PPP2R2C: variants seen among roughly 807,000 people sequenced by gnomAD.
The protein encoded by PPP2R2C is protein phosphatase 2, regulatory subunit B, gamma.
Under a neutral mutation model 45.3 loss-of-function variants are expected in PPP2R2C, and 10 were observed. The observed-to-expected ratio is 0.22, with a 90% CI of 0.14 to 0.37. PPP2R2C has a LOEUF of 0.37. PPP2R2C is among the 10% of genes least tolerant of loss of function. PPP2R2C has a pLI of 1.00. For missense variants in PPP2R2C, 308 were observed against 619.7 expected (o/e 0.50, Z 5.34); for synonymous variants, 257 against 245.4 (o/e 1.05, Z -0.44).
Position 6,472,264 on chromosome 4 carries a change from C to A in PPP2R2C, c.-35G>T. On this transcript the variant is annotated 5_prime_UTR_variant, in exon 1 of 9. Transcript: ENST00000382599. The stretch of plus-strand genomic sequence containing the variant: ...TGCCCGGTGCTCTGGGCATGCCCCG[C>A]CGCCACACACCGATGCAATCCGCAG... 4 of 1,611,276 alleles carry A rather than the reference C, an allele frequency of 2.5e-6. No homozygotes were observed. The highest frequency in any genetic ancestry group is 1.1e-5 in the South Asian group (1 of 91,028).
At chr4:6,421,507 CTGAG>C (rs2109393202) in intron 1 of PPP2R2C, among the ~76,000 whole-genome samples, 1 of 152,264 alleles carries the variant, frequency 6.6e-6, no homozygotes, top group South Asian at 2.1e-4. Context: ...GCTCTAGATA[CTGAG>C]TGTCATCCGC....
At position 6,513,797 on chromosome 4, in the gene PPP2R2C, GC is replaced by G. The variant is rs575921896; in HGVS notation, c.49+21473del. Among the ~76,000 whole-genome samples, 388 of 152,294 alleles carry G rather than the reference GC, an allele frequency of 2.5e-3. 2 individuals carry two copies. Among genetic ancestry groups the G allele is most frequent in the African/African-American group, 8.6e-3 (359 of 41,560 alleles). ...GGGGTGGTGGGCAGGCCAGGGAAGGGCCCCCAGAGGCCCCCATCTCCTCCCC... is the reference window on the plus strand; with the variant it reads ...GGGGTGGTGGGCAGGCCAGGGAAGGGCCCCAGAGGCCCCCATCTCCTCCCC... On this transcript the variant is annotated intron_variant, in intron 2 of 9. Coordinates refer to the PPP2R2C transcript ENST00000506140.
At chr4:6,507,911 C>T (rs1723292146) in intron 2 of PPP2R2C, among the ~76,000 whole-genome samples, 1 of 152,168 alleles carries the variant, frequency 6.6e-6, no homozygotes, top group African/African-American at 2.4e-5. Context: ...TGCTGAAATA[C>T]CTTTCAGCTC....
At chr4:6,453,287 G>A (rs923248976) in intron 1 of PPP2R2C, among the ~76,000 whole-genome samples, 1 of 152,178 alleles carries the variant, frequency 6.6e-6, no homozygotes. Flanking sequence ...GATGGCCAGA[G>A]TCCCTCTCCA....
At chr4:6,423,836 T>C (rs1430249435) in intron 1 of PPP2R2C, among the ~76,000 whole-genome samples, 1 of 152,324 alleles carries the variant, frequency 6.6e-6, no homozygotes, top group South Asian at 2.1e-4. Flanking sequence ...CCAGATCATG[T>C]AGTAGGGCCA....
At chr4:6,545,733 G>A (rs1193444084) in intron 1 of PPP2R2C, among the ~76,000 whole-genome samples, 1 of 152,174 alleles carries the variant, frequency 6.6e-6, no homozygotes, top group Non-Finnish European at 1.5e-5. Context: ...GGGGCACCTC[G>A]GGTGGGCAGT....
intron 1 of PPP2R2C, among the ~76,000 whole-genome samples, chr4:6,465,016 T>C (rs185039208): frequency 1.3e-5 from 2 of 152,160 alleles, no homozygotes; most frequent in Non-Finnish European, 2.9e-5. Flanking sequence ...AGGAATAGTA[T>C]GCAGCCAATG....
At chr4:6,325,884 G>C (rs1340171400) in intron 8 of PPP2R2C, among the ~76,000 whole-genome samples, 12 of 151,996 alleles carry the variant, frequency 7.9e-5, no homozygotes, top group Admixed American at 7.9e-4. Context: ...TTTGGGGAAA[G>C]AAAGGCTCCT....
At chr4:6,523,631 C>G (rs887145946) in intron 2 of PPP2R2C, 4 of 152,196 alleles carry the variant, frequency 2.6e-5, no homozygotes, top group Admixed American at 2.6e-4. Context: ...GGTGAAGCGG[C>G]AGGGCCACCG....
chr4:6,439,672 C>A (rs2109424567), intron 1 of PPP2R2C, among the ~76,000 whole-genome samples: 1 of 152,274 alleles, frequency 6.6e-6, no homozygotes, highest in African/African-American at 2.4e-5. Context: ...CCACTCTCCC[C>A]ACCATGAACA....
At chr4:6,371,851 A>T (rs1361786184) in intron 5 of PPP2R2C, among the ~76,000 whole-genome samples, 2 of 152,172 alleles carry the variant, frequency 1.3e-5, no homozygotes, top group African/African-American at 4.8e-5. Context: ...CATTGGTTGT[A>T]TGCAGAATAG....
intron 2 of PPP2R2C, among the ~76,000 whole-genome samples, chr4:6,502,291 T>C (rs1723084522): frequency 6.6e-6 from 1 of 152,188 alleles, no homozygotes; most frequent in South Asian, 2.1e-4. Flanking sequence ...GCTTTCCATA[T>C]GCCGGGGAAA....
chr4:6,350,535 C>A (rs1416443010), intron 5 of PPP2R2C: 2 of 985,234 alleles, frequency 2.0e-6, no homozygotes, highest in Admixed American at 1.2e-4. Flanking sequence ...GTTCTGTTTG[C>A]GTCATCAGGA....
intron 1 of PPP2R2C, chr4:6,382,250 G>A: frequency 1.5e-5 from 18 of 1,224,610 alleles, no homozygotes; most frequent in Non-Finnish European, 1.8e-5. Flanking sequence ...ATGGCCCGCT[G>A]CTGTGAATGG....
chr4:6,519,493 C>T (rs945947400), intron 2 of PPP2R2C, among the ~76,000 whole-genome samples: 3 of 152,230 alleles, frequency 2.0e-5, no homozygotes, highest in African/African-American at 7.2e-5. Flanking sequence ...CAGCCTCCCT[C>T]TCCTCTGCAG....
intron 5 of PPP2R2C, chr4:6,350,674 G>A: frequency 1.0e-6 from 1 of 985,294 alleles, no homozygotes; most frequent in Non-Finnish European, 1.2e-6. Context: ...CTCTCCCAAG[G>A]GGAGACCTCT....
chr4:6,416,709 C>A (rs1285161491), intron 1 of PPP2R2C, among the ~76,000 whole-genome samples: 2 of 152,228 alleles, frequency 1.3e-5, no homozygotes, highest in African/African-American at 4.8e-5. Context: ...ACCACAGATG[C>A]CAAGCAGCAG....
intron 5 of PPP2R2C, chr4:6,351,397 G>C: frequency 1.0e-6 from 1 of 983,512 alleles, no homozygotes; most frequent in Non-Finnish European, 1.2e-6. Context: ...AAACACACCC[G>C]AGCCACGGCA....
chr4:6,430,612 C>G (rs145435149), intron 1 of PPP2R2C, among the ~76,000 whole-genome samples: 1 of 152,240 alleles, frequency 6.6e-6, no homozygotes, highest in Non-Finnish European at 1.5e-5. Flanking sequence ...GTAATCCTAT[C>G]CACTCCTCCT....
Sources: gnomAD v4.1 joint callset for allele counts (sites outside exome capture counted in the v4.1 genomes callset) on GRCh38, gnomAD v4.1.1 for gene constraint, MANE v1.5 for transcripts, NCBI Gene and HGNC (gene_info 2026-07-23, HGNC 2026-07-21) for gene names.